Variants in TRPC1 observed in about 807,000 individuals in gnomAD.
The protein encoded by TRPC1 is transient receptor potential cation channel subfamily C member 1.
A neutral mutation model predicts 88.2 loss-of-function variants in TRPC1; 42 were observed. That is an observed-to-expected ratio of 0.48 (90% CI 0.37 to 0.62). TRPC1 has a LOEUF of 0.62. TRPC1 is among the 20% of genes least tolerant of loss of function. TRPC1 has a pLI of 0.00. For missense variants in TRPC1, 699 were observed against 957.3 expected (o/e 0.73, Z 3.56); for synonymous variants, 288 against 331.8 (o/e 0.87, Z 1.43).
At chr3:142,762,052 T>C (rs1369692691) in intron 4 of TRPC1, among the ~76,000 whole-genome samples, 5 of 152,190 alleles carry the variant, frequency 3.3e-5, no homozygotes, top group Non-Finnish European at 5.9e-5. Context: ...TTTTGGTTTT[T>C]TGAGACAGAG....
chr3:142,763,267 A>G (rs914176011), intron 4 of TRPC1, among the ~76,000 whole-genome samples: 1 of 152,054 alleles, frequency 6.6e-6, no homozygotes, highest in Admixed American at 6.5e-5. Flanking sequence ...GTGGCATGTT[A>G]AAGTCCCCTA....
At chr3:142,758,731 G>A (rs906295513) in intron 4 of TRPC1, among the ~76,000 whole-genome samples, 1 of 151,660 alleles carries the variant, frequency 6.6e-6, no homozygotes, top group African/African-American at 2.4e-5. Flanking sequence ...ATGTCGTGCA[G>A]GTTTGTTACA....
chr3:142,799,238 A>C (rs1459177822), intron 9 of TRPC1, among the ~76,000 whole-genome samples: 2 of 152,150 alleles, frequency 1.3e-5, no homozygotes, highest in Non-Finnish European at 2.9e-5. Flanking sequence ...TTTAGTATTA[A>C]TATTTTAATT....
At chr3:142,775,943 TAAAATACA>T (rs1935753574) in intron 4 of TRPC1, among the ~76,000 whole-genome samples, 1 of 152,176 alleles carries the variant, frequency 6.6e-6, no homozygotes, top group Non-Finnish European at 1.5e-5. Flanking sequence ...TATCAGAATT[TAAAATACA>T]AATGCCATAT....
chr3:142,806,429 A>G lies in TRPC1; in HGVS notation c.*194A>G. 2.3e-6 allele frequency: 1 copy of G among 439,728 alleles called. No homozygotes were observed. Among genetic ancestry groups the G allele is most frequent in the Non-Finnish European group, 3.9e-6 (1 of 258,398 alleles). 27.2% of individuals were successfully genotyped at this position (439,728 alleles called of 1,614,324 possible). On this transcript the variant is annotated 3_prime_UTR_variant, in exon 13 of 13. Coordinates refer to ENST00000476941, the MANE Select transcript of TRPC1 (RefSeq NM_001251845.2). ...GAATTAGTTTTTTAAACCTTCTGTT[A>G]GTGGCTTTTTGCAGAAGCAAAACAG...
intron 4 of TRPC1, among the ~76,000 whole-genome samples, chr3:142,754,434 G>T (rs1409061038): frequency 6.6e-6 from 1 of 151,912 alleles, no homozygotes; most frequent in Non-Finnish European, 1.5e-5. Flanking sequence ...AAAAAATGAC[G>T]AGTTAATGTA....
At chr3:142,760,105 C>T (rs1935132338) in intron 4 of TRPC1, among the ~76,000 whole-genome samples, 4 of 152,134 alleles carry the variant, frequency 2.6e-5, no homozygotes, top group African/African-American at 7.2e-5. Context: ...GGATTACAGG[C>T]GTGAGCCACT....
chr3:142,806,172 T>C lies in TRPC1; in HGVS notation c.2319T>C (p.Asn773=). The part of the protein sequence containing the change: ...ELRQDLSKFR[N]EIRDLLGFRT... ...GCCAAGATCTGTCAAAATTCCGAAA[T>C]GAAATAAGGGATTTACTTGGCTTTC... The change falls in exon 13 of 13, where the codon AAT becomes AAC. Residue 773 remains asparagine, a synonymous_variant. Coordinates refer to ENST00000476941, the MANE Select transcript of TRPC1 (RefSeq NM_001251845.2). The C allele has an allele frequency of 1.9e-6, 3 of 1,613,774 alleles. No individual in the cohort carries two copies. The highest frequency in any genetic ancestry group is 2.5e-6 in the Non-Finnish European group (3 of 1,179,764).
intron 4 of TRPC1, among the ~76,000 whole-genome samples, chr3:142,758,291 G>A (rs2108067717): frequency 6.6e-6 from 1 of 152,172 alleles, no homozygotes; most frequent in South Asian, 2.1e-4. Context: ...ATCTTTGCTT[G>A]CATTTGTTAT....
intron 4 of TRPC1, among the ~76,000 whole-genome samples, chr3:142,761,388 G>A (rs1403815444): frequency 6.6e-6 from 1 of 152,152 alleles, no homozygotes; most frequent in Non-Finnish European, 1.5e-5. Context: ...ATACATATAT[G>A]TTGAATCATT....
intron 4 of TRPC1, among the ~76,000 whole-genome samples, chr3:142,754,472 T>C (rs1934890089): frequency 6.6e-6 from 1 of 152,176 alleles, no homozygotes; most frequent in Non-Finnish European, 1.5e-5. Flanking sequence ...ACATGGCACA[T>C]GTATACATAT....
intron 1 of TRPC1, among the ~76,000 whole-genome samples, chr3:142,733,582 A>G (rs550315872): frequency 3.3e-5 from 5 of 152,336 alleles, no homozygotes; most frequent in African/African-American, 1.2e-4. Context: ...TTTAACAGCA[A>G]TCTAAACTTT....
At chr3:142,727,681 C>A (rs1311429033) in intron 1 of TRPC1, among the ~76,000 whole-genome samples, 1 of 151,950 alleles carries the variant, frequency 6.6e-6, no homozygotes, top group Non-Finnish European at 1.5e-5. Flanking sequence ...AAGTCTAGGA[C>A]CCCCAGATAA....
chr3:142,747,167 T>A (rs1934586184), intron 3 of TRPC1, among the ~76,000 whole-genome samples: 1 of 152,142 alleles, frequency 6.6e-6, no homozygotes, highest in Non-Finnish European at 1.5e-5. Context: ...ATACCTACTG[T>A]TTATGCCAAA....
At chr3:142,734,542 T>TGGAAGTTGACAAGAGAAAAA (rs1465673573) in intron 1 of TRPC1, among the ~76,000 whole-genome samples, 1 of 152,144 alleles carries the variant, frequency 6.6e-6, no homozygotes, top group Non-Finnish European at 1.5e-5. Context: ...TAATGTCTAA[T>TGGAAGTTGACAAGAGAAAAA]GGAAGTTGAC....
intron 4 of TRPC1, among the ~76,000 whole-genome samples, chr3:142,772,215 G>T (rs868450241): frequency 6.6e-6 from 1 of 152,018 alleles, no homozygotes; most frequent in African/African-American, 2.4e-5. Context: ...AGAAATTTGG[G>T]AAGTTGTTAG....
intron 4 of TRPC1, 71 bp from the exon 5 acceptor site, chr3:142,777,561 A>T: frequency 9.6e-7 from 1 of 1,039,922 alleles, no homozygotes; most frequent in Non-Finnish European, 1.3e-6. Flanking sequence ...CATTTATGAA[A>T]ATTATAGATT....
At chr3:142,770,947 G>C (rs757698189) in intron 4 of TRPC1, among the ~76,000 whole-genome samples, 3 of 152,180 alleles carry the variant, frequency 2.0e-5, no homozygotes, top group Non-Finnish European at 2.9e-5. Context: ...AAGGACCTTA[G>C]GAAGCCTCCA....
At position 142,767,805 on chromosome 3, in the gene TRPC1, G is replaced by C. The variant is rs1203916594; in HGVS notation, c.633-9827G>C. Among the ~76,000 whole-genome samples the C allele has an allele frequency of 6.6e-6, 1 of 151,538 alleles. No individual in the cohort carries two copies. Among genetic ancestry groups the C allele is most frequent in the East Asian group, 1.9e-4 (1 of 5,192 alleles). Reference sequence around the variant, plus strand: ...ATATTTCATATGAATGACATCTTTTGCTTAATGGATATCTGCATATCTTTA... The same window carrying C: ...ATATTTCATATGAATGACATCTTTTCCTTAATGGATATCTGCATATCTTTA... On this transcript the variant is annotated intron_variant, in intron 4 of 12. Coordinates refer to ENST00000476941, the MANE Select transcript of TRPC1 (RefSeq NM_001251845.2). This position sits in a 1 kb window ranked among gnomAD's most constrained non-coding sequence, Gnocchi z 5.1.
Sources: allele counts gnomAD v4.1 joint callset (sites outside exome capture counted in the v4.1 genomes callset), GRCh38; gene constraint gnomAD v4.1.1; non-coding constraint Gnocchi (gnomAD v3.1); transcripts MANE v1.5; gene names NCBI Gene and HGNC (gene_info 2026-07-23, HGNC 2026-07-21).